FAF1: variants seen among roughly 807,000 people sequenced by gnomAD.
FAF1 encodes Fas associated factor 1, also known as FAS-associated factor 1.
FAF1 carries 25 observed loss-of-function variants against 92.5 expected under a neutral mutation model. The observed-to-expected ratio is 0.27, with a 90% CI of 0.20 to 0.38. FAF1 has a LOEUF of 0.38. FAF1 is among the 10% of genes least tolerant of loss of function. The pLI is 1.00. For missense variants in FAF1, 636 were observed against 793.3 expected (o/e 0.80, Z 2.38); for synonymous variants, 234 against 273.2 (o/e 0.86, Z 1.42).
At position 50,567,096 on chromosome 1, in the gene FAF1, T is replaced by C. The variant is rs1227741419; in HGVS notation, c.1249A>G (p.Lys417Glu). Residue 417 changes from lysine (K) to glutamate (E), a missense_variant, in exon 13 of 19, where the codon AAG becomes GAG. Physicochemically the swap from Lys to Glu is moderately conservative, Grantham distance 56. Coordinates refer to ENST00000396153, the MANE Select transcript of FAF1 (RefSeq NM_007051.3). ...TATTACCTTGCTCTGTTGGAGTCCTTTGTCAGATCCCAAGCCCAGGTTATA... is the reference window on the plus strand; with the variant it reads ...TATTACCTTGCTCTGTTGGAGTCCTCTGTCAGATCCCAAGCCCAGGTTATA... ...NFITWAWDLT[K>E]DSNRARFLTM... The C allele has an allele frequency of 1.2e-6, 2 of 1,608,588 alleles. No individual in the cohort carries two copies. The highest frequency in any genetic ancestry group is 4.5e-5 in the East Asian group (2 of 44,800).
Position 50,812,367 on chromosome 1 carries a change from A to C in FAF1, c.115-10690T>G, listed in dbSNP as rs543848398. On this transcript the variant is annotated intron_variant, in intron 2 of 18. Transcript: ENST00000396153. ...TCCAGAATCTATAAGAAACTTAAAC[A>C]ACTTAATGAGCAAAAAACAAACAAC... Among the ~76,000 whole-genome samples, 353 of 152,330 alleles carry C rather than the reference A, an allele frequency of 2.3e-3. 1 individual carries two copies. The highest frequency in any genetic ancestry group is 8.3e-3 in the African/African-American group (344 of 41,564).
intron 4 of FAF1, among the ~76,000 whole-genome samples, chr1:50,761,910 C>T (rs1660343427): frequency 6.6e-6 from 1 of 152,094 alleles, no homozygotes; most frequent in Non-Finnish European, 1.5e-5. Flanking sequence ...TCCCTGTTTG[C>T]AGATGACATG....
intron 12 of FAF1, among the ~76,000 whole-genome samples, chr1:50,575,814 T>TC (rs1433164070): frequency 6.6e-6 from 1 of 152,232 alleles, no homozygotes; most frequent in Non-Finnish European, 1.5e-5. Flanking sequence ...TATTGTGTGG[T>TC]GAGCTAGAAA....
intron 13 of FAF1, among the ~76,000 whole-genome samples, chr1:50,552,925 G>C (rs1649379307): frequency 6.6e-6 from 1 of 152,074 alleles, no homozygotes; most frequent in Non-Finnish European, 1.5e-5. Flanking sequence ...AAAAGAGAGA[G>C]AGAAAAAAGA....
At chr1:50,585,485 G>T (rs1651183259) in intron 9 of FAF1, among the ~76,000 whole-genome samples, 2 of 152,036 alleles carry the variant, frequency 1.3e-5, no homozygotes, top group Admixed American at 6.6e-5. Flanking sequence ...CAATTGAAAA[G>T]GTATTAAAAA....
intron 4 of FAF1, 72 bp from the exon 5 acceptor site, chr1:50,744,847 A>G (rs1318736785): frequency 3.5e-6 from 3 of 848,584 alleles, no homozygotes; most frequent in Non-Finnish European, 3.8e-6. Context: ...ATCCAGAGCT[A>G]ACACTAATAT....
chr1:50,918,146 A>T (rs1022969155), intron 1 of FAF1, among the ~76,000 whole-genome samples: 1 of 151,924 alleles, frequency 6.6e-6, no homozygotes, highest in Non-Finnish European at 1.5e-5. Flanking sequence ...TCCACTTACA[A>T]AGAGTACATT....
intron 9 of FAF1, among the ~76,000 whole-genome samples, chr1:50,585,880 T>TA (rs958484582): frequency 0.089 from 8,083 of 90,572 alleles, 324 homozygotes; most frequent in East Asian, 0.26. Context: ...CATCTCTACA[T>TA]AAAAAAAAAA....
At chr1:50,875,363 T>C (rs555625232) in intron 1 of FAF1, among the ~76,000 whole-genome samples, 6 of 152,328 alleles carry the variant, frequency 3.9e-5, no homozygotes, top group Admixed American at 3.9e-4. Flanking sequence ...GGCTAACATA[T>C]GTATTACCCT....
chr1:50,614,839 C>CA (rs1295301237), intron 8 of FAF1, among the ~76,000 whole-genome samples: 820 of 45,260 alleles, frequency 0.018, 9 homozygotes, highest in Middle Eastern at 0.032. Flanking sequence ...AACTCCGTCT[C>CA]AAAAAAAAAA....
chr1:50,654,916 G>T (rs1655035044), intron 8 of FAF1, among the ~76,000 whole-genome samples: 1 of 151,622 alleles, frequency 6.6e-6, no homozygotes, highest in Non-Finnish European at 1.5e-5. Context: ...TTCTAAAAGT[G>T]AACTCAAATT....
chr1:50,512,586 G>C (rs1056264126), intron 15 of FAF1, among the ~76,000 whole-genome samples: 2 of 152,070 alleles, frequency 1.3e-5, no homozygotes, highest in Admixed American at 1.3e-4. Context: ...CTGTTCCATT[G>C]GTCTATATAT....
chr1:50,624,502 T>C (rs1411615259), intron 8 of FAF1, among the ~76,000 whole-genome samples: 1 of 152,192 alleles, frequency 6.6e-6, no homozygotes, highest in African/African-American at 2.4e-5. Flanking sequence ...TGAATCTCAG[T>C]TTCCTTATTT....
At chr1:50,930,659 C>A (rs947957380) in intron 1 of FAF1, among the ~76,000 whole-genome samples, 8 of 152,132 alleles carry the variant, frequency 5.3e-5, no homozygotes, top group African/African-American at 1.2e-4. Flanking sequence ...CACAGTGAAA[C>A]CCCGTCTCTA....
Position 50,441,186 on chromosome 1 carries a change from A to G in FAF1, c.*254T>C. 1 of 390,462 alleles carries G rather than the reference A, an allele frequency of 2.6e-6. No individual in the cohort carries two copies. Among genetic ancestry groups the G allele is most frequent in the South Asian group, 6.5e-5 (1 of 15,484 alleles). The allele number at this position is 390,462 out of a possible 1,614,324, so 24.2% of individuals were successfully genotyped here. ...TGAACAATGCATTCGTCATTGAAGG[A>G]GGGTGAAGTGCAGGGGGTAGGGGAG... On this transcript the variant is annotated 3_prime_UTR_variant, in exon 19 of 19. Transcript: ENST00000396153.
chr1:50,728,739 C>T (rs563800300), intron 6 of FAF1, among the ~76,000 whole-genome samples: 6 of 149,868 alleles, frequency 4.0e-5, no homozygotes, highest in East Asian at 2.0e-4. Flanking sequence ...TGGAATGAGC[C>T]GAGATTGCGC....
intron 1 of FAF1, among the ~76,000 whole-genome samples, chr1:50,924,875 C>T (rs1393969155): frequency 5.3e-5 from 8 of 152,034 alleles, no homozygotes; most frequent in Non-Finnish European, 1.2e-4. Flanking sequence ...CTCAGCTACT[C>T]GGAAGGCTAA....
intron 7 of FAF1, among the ~76,000 whole-genome samples, chr1:50,699,659 C>T (rs1302197373): frequency 6.6e-6 from 1 of 152,070 alleles, no homozygotes; most frequent in Non-Finnish European, 1.5e-5. Flanking sequence ...CAAAAGCTAA[C>T]AGATGTGTGA....
chr1:50,653,931 G>A (rs1053056667), intron 8 of FAF1, among the ~76,000 whole-genome samples: 1 of 152,158 alleles, frequency 6.6e-6, no homozygotes, highest in African/African-American at 2.4e-5. Flanking sequence ...GCCTCCCAAA[G>A]TGCTGGGATT....
Sources: allele counts gnomAD v4.1 joint callset (sites outside exome capture counted in the v4.1 genomes callset), GRCh38; gene constraint gnomAD v4.1.1; transcripts MANE v1.5; gene names NCBI Gene and HGNC (gene_info 2026-07-23, HGNC 2026-07-21).